Variants in ASPH observed in about 807,000 individuals in gnomAD.
ASPH encodes the protein aspartyl/asparaginyl beta-hydroxylase.
A neutral mutation model predicts 118.4 loss-of-function variants in ASPH; 100 were observed. The ratio of observed to expected loss-of-function variants is 0.84; its 90% CI spans 0.72 to 1.00. ASPH has a LOEUF of 1.00. Among genes scored for constraint, ASPH ranks in the 50% least tolerant of loss-of-function variants. The probability of loss-of-function intolerance (pLI) is 0.00; values close to 1 mark genes in which losing one functional copy is unlikely to be tolerated. For missense variants in ASPH, 920 were observed against 919.5 expected, an observed-to-expected ratio of 1.00 and a Z score of -0.01; for synonymous variants, 315 against 325.6, an observed-to-expected ratio of 0.97 and a Z score of 0.35.
intron 1 of ASPH, among the ~76,000 whole-genome samples, chr8:61,698,761 CA>C (rs1834543415): frequency 1.3e-5 from 2 of 152,248 alleles, no homozygotes; most frequent in South Asian, 4.1e-4. Flanking sequence ...TGGGAGACCA[CA>C]AGGGTTTTAG....
At chr8:61,554,273 C>T (rs1048410750) in intron 19 of ASPH, among the ~76,000 whole-genome samples, 4 of 152,316 alleles carry the variant, frequency 2.6e-5, no homozygotes, top group East Asian at 1.9e-4. Flanking sequence ...CCAGATATGA[C>T]GTTTCAAGAG....
intron 1 of ASPH, among the ~76,000 whole-genome samples, chr8:61,706,997 T>C (rs533934952): frequency 5.3e-4 from 80 of 152,268 alleles, no homozygotes; most frequent in African/African-American, 1.9e-3. Flanking sequence ...GAGATCTAAA[T>C]GTAAAAAAGC....
chr8:61,551,826 G>T (rs916602925), intron 20 of ASPH, among the ~76,000 whole-genome samples: 1 of 152,102 alleles, frequency 6.6e-6, no homozygotes, highest in Admixed American at 6.6e-5. Context: ...AGAAAAATGC[G>T]ATGCAAAAAG....
intron 16 of ASPH, among the ~76,000 whole-genome samples, chr8:61,569,480 A>C (rs1832810547): frequency 6.6e-6 from 1 of 152,174 alleles, no homozygotes; most frequent in Non-Finnish European, 1.5e-5. Flanking sequence ...GGGCACAGTA[A>C]GAAAATGACC....
At chr8:61,561,076 GAGGGAGGGAGGGAGGGAGGGAGA>G (rs1829682824) in intron 18 of ASPH, among the ~76,000 whole-genome samples, 1 of 55,752 alleles carries the variant, frequency 1.8e-5, no homozygotes, top group South Asian at 1.0e-3. Context: ...GGAAGGGAGA[GAGGGAGGGAGGGAGGGAGGGAGA>G]GAGGGAGGGA....
intron 1 of ASPH, among the ~76,000 whole-genome samples, chr8:61,711,182 G>A (rs150048386): frequency 4.2e-4 from 64 of 152,194 alleles, no homozygotes; most frequent in African/African-American, 1.5e-3. Flanking sequence ...GTAGTAGCAG[G>A]ACACCCAGAC....
At chr8:61,612,583 G>A (rs1392233907) in intron 14 of ASPH, among the ~76,000 whole-genome samples, 2 of 152,030 alleles carry the variant, frequency 1.3e-5, no homozygotes, top group Non-Finnish European at 2.9e-5. Flanking sequence ...TGTTGGCCAG[G>A]CTGGTCTTGA....
Position 61,714,269 on chromosome 8 carries a change from C to T in ASPH, c.103G>A (p.Glu35Lys), listed in dbSNP as rs1295077864. 6 of 1,512,148 alleles carry T rather than the reference C, an allele frequency of 4.0e-6. No homozygotes were observed. Among genetic ancestry groups the T allele is most frequent in the Non-Finnish European group, 5.3e-6 (6 of 1,133,478 alleles). The allele number at this position is 1,512,148 out of a possible 1,614,324, so 93.7% of individuals were successfully genotyped here. The change falls in exon 1 of 25, where the codon GAG becomes AAG. Residue 35 changes from glutamate to lysine, a missense_variant and splice_region_variant. Physicochemically the swap from Glu to Lys is moderately conservative, Grantham distance 56. Coordinates refer to ENST00000379454, the MANE Select transcript of ASPH (RefSeq NM_004318.4). Reference sequence around the variant, plus strand: ...ATCCCCGCCCCGCAGGGCCTCTGACCTCTCCGGGCCCCGGGGCTGCTGCTG... The same window carrying T: ...ATCCCCGCCCCGCAGGGCCTCTGACTTCTCCGGGCCCCGGGGCTGCTGCTG... ...AGSSSPGARRETKHGGHKNGR... is the reference protein window; with the variant it reads ...AGSSSPGARRKTKHGGHKNGR...
At chr8:61,683,923 C>A in intron 2 of ASPH, 116 bp downstream of exon 2, 1 of 1,219,720 alleles carries the variant, frequency 8.2e-7, no homozygotes, top group Non-Finnish European at 1.1e-6. Flanking sequence ...CTATTGAGAA[C>A]CACTGAAAGG....
chr8:61,536,287 C>T (rs1002384845), intron 21 of ASPH, among the ~76,000 whole-genome samples: 4 of 152,170 alleles, frequency 2.6e-5, no homozygotes, highest in Admixed American at 2.0e-4. Flanking sequence ...GATCTGCCCA[C>T]CTCAGCCTCC....
intron 1 of ASPH, among the ~76,000 whole-genome samples, chr8:61,700,913 A>G (rs1447603579): frequency 1.3e-5 from 2 of 152,224 alleles, no homozygotes; most frequent in African/African-American, 4.8e-5. Flanking sequence ...ACATTTCTTT[A>G]TAGTTATTTA....
At chr8:61,622,222 C>G (rs1182859409) in intron 13 of ASPH, among the ~76,000 whole-genome samples, 6 of 152,294 alleles carry the variant, frequency 3.9e-5, no homozygotes, top group African/African-American at 1.4e-4. Flanking sequence ...CCTGTAGTCC[C>G]AGCTACTCGG....
At chr8:61,554,666 A>C (rs1201602275) in intron 19 of ASPH, among the ~76,000 whole-genome samples, 1 of 152,152 alleles carries the variant, frequency 6.6e-6, no homozygotes, top group Non-Finnish European at 1.5e-5. Flanking sequence ...AAACATTTCC[A>C]TCACAGTAGA....
intron 9 of ASPH, 67 bp from the exon 10 acceptor site, chr8:61,642,987 T>A: frequency 7.4e-7 from 1 of 1,348,858 alleles, no homozygotes; most frequent in Non-Finnish European, 1.0e-6. Flanking sequence ...ATTGTTCAGT[T>A]AAAACAAAAT....
intron 14 of ASPH, among the ~76,000 whole-genome samples, chr8:61,610,641 CTG>C (rs1160993034): frequency 6.6e-6 from 1 of 152,174 alleles, no homozygotes; most frequent in Non-Finnish European, 1.5e-5. Flanking sequence ...GGACGGGAGA[CTG>C]TTTTTTCAAA....
chr8:61,703,052 T>A (rs748124930), intron 1 of ASPH, among the ~76,000 whole-genome samples: 1 of 152,060 alleles, frequency 6.6e-6, no homozygotes, highest in Admixed American at 6.5e-5. Flanking sequence ...TAAAGCAATA[T>A]ATAAAAAGGA....
intron 10 of ASPH, among the ~76,000 whole-genome samples, chr8:61,640,049 C>T (rs1014465012): frequency 1.3e-5 from 2 of 152,196 alleles, no homozygotes; most frequent in Non-Finnish European, 2.9e-5. Flanking sequence ...CTGTCCTATC[C>T]GTCCACTGAA....
chr8:61,537,924 A>G lies in ASPH; in HGVS notation c.1764+10147T>C, dbSNP rs375139909. On this transcript the variant is annotated intron_variant, in intron 21 of 24. Transcript: ENST00000379454. Reference sequence around the variant, plus strand: ...GTATGAAATAACTCAAAGAATATAAAACACTGTGTTCCTTTGCTCTGCTGC... The same window carrying G: ...GTATGAAATAACTCAAAGAATATAAGACACTGTGTTCCTTTGCTCTGCTGC... 9.4e-4 allele frequency among the ~76,000 whole-genome samples: 143 copies of G among 152,286 alleles called. 1 individual carries two copies. In the Middle Eastern group the frequency reaches 0.027, roughly 29 times the overall value.
chr8:61,517,587 C>T lies in ASPH; in HGVS notation c.2067G>A (p.Met689Ile). Residue 689 changes from methionine to isoleucine, a missense_variant, in exon 24 of 25, where the codon ATG becomes ATA. By Grantham distance (10) the Met-to-Ile change is conservative. Coordinates refer to ENST00000379454, the MANE Select transcript of ASPH (RefSeq NM_004318.4). ...CCTTGGGAATCACCAAGCCCAGGTG[C>T]ATTCGGAGCCTGCAGTTTGTGGGCC... ...HTGPTNCRLR[M>I]HLGLVIPKEG... 1.2e-6 allele frequency: 2 copies of T among 1,614,150 alleles called. No homozygotes were observed. The highest frequency in any genetic ancestry group is 1.7e-6 in the Non-Finnish European group (2 of 1,179,996).
Sources: gnomAD v4.1 joint callset for allele counts (sites outside exome capture counted in the v4.1 genomes callset) on GRCh38, gnomAD v4.1.1 for gene constraint, MANE v1.5 for transcripts, NCBI Gene and HGNC (gene_info 2026-07-23, HGNC 2026-07-21) for gene names.